Variants in P4HA1 observed in about 807,000 individuals in gnomAD.
The protein encoded by P4HA1 is prolyl 4-hydroxylase subunit alpha 1.
P4HA1 carries 24 observed loss-of-function variants against 72.8 expected under a neutral mutation model. The observed-to-expected ratio is 0.33, with a 90% CI of 0.24 to 0.46. The LOEUF (loss-of-function observed/expected upper bound fraction) is 0.46, where lower values mean the gene tolerates loss of function less well. P4HA1 is among the 20% of genes least tolerant of loss of function. The probability of loss-of-function intolerance (pLI) is 1.00; values close to 1 mark genes in which losing one functional copy is unlikely to be tolerated. For synonymous variants in P4HA1, 201 were observed against 218.8 expected (o/e 0.92, Z 0.72); for missense variants, 446 against 640.6 (o/e 0.70, Z 3.28).
chr10:73,082,250 G>C (rs1472602831), intron 1 of P4HA1, among the ~76,000 whole-genome samples: 1 of 152,138 alleles, frequency 6.6e-6, no homozygotes, highest in East Asian at 1.9e-4. Context: ...GGTTTATCAG[G>C]ACACAGCCCC....
chr10:73,026,838 C>A (rs911647003), intron 10 of P4HA1, among the ~76,000 whole-genome samples: 1 of 152,148 alleles, frequency 6.6e-6, no homozygotes, highest in Non-Finnish European at 1.5e-5. Flanking sequence ...CCAACAGGCA[C>A]ATGAAAAAAT....
At chr10:73,030,466 A>T in intron 9 of P4HA1, 96 bp from the exon 10 acceptor site, 1 of 496,226 alleles carries the variant, frequency 2.0e-6, no homozygotes, top group Non-Finnish European at 3.4e-6. Flanking sequence ...AATATATAGG[A>T]CAATAAACCT....
At chr10:73,024,893 G>A (rs1840228542) in intron 10 of P4HA1, among the ~76,000 whole-genome samples, 1 of 152,188 alleles carries the variant, frequency 6.6e-6, no homozygotes. Context: ...AAATCTAGAA[G>A]AAATGGATAA....
chr10:73,042,051 G>A (rs1374216667), intron 9 of P4HA1, among the ~76,000 whole-genome samples: 1 of 151,916 alleles, frequency 6.6e-6, no homozygotes, highest in Non-Finnish European at 1.5e-5. Flanking sequence ...GTTTTAACAT[G>A]TTGCTCAGGC....
chr10:73,061,685 G>A (rs1157220253), intron 5 of P4HA1, among the ~76,000 whole-genome samples: 2 of 152,104 alleles, frequency 1.3e-5, no homozygotes, highest in Non-Finnish European at 2.9e-5. Context: ...AGGAACACTT[G>A]AGCCCAAGAG....
chr10:73,026,667 G>T (rs553354813), intron 10 of P4HA1, among the ~76,000 whole-genome samples: 1 of 152,206 alleles, frequency 6.6e-6, no homozygotes, highest in Non-Finnish European at 1.5e-5. Context: ...GAGTGAACAG[G>T]CAACCTACAG....
rs558375081 is a variant in P4HA1 at position 73,013,053 on chromosome 10, C to T, written c.1368+1171G>A. Among the ~76,000 whole-genome samples, 308 of 152,306 alleles carry T rather than the reference C, an allele frequency of 2.0e-3. 9 individuals carry two copies. Among genetic ancestry groups the T allele is most frequent in the Admixed American group, 0.02 (303 of 15,306 alleles). ...TCAAGTGATCTGCCCGCCTCGGCCTCTCAAAGTGTTGGGATTACAGGCGTG... is the reference window on the plus strand; with the variant it reads ...TCAAGTGATCTGCCCGCCTCGGCCTTTCAAAGTGTTGGGATTACAGGCGTG... On this transcript the variant is annotated intron_variant, in intron 12 of 14. Transcript: ENST00000394890.
chr10:73,064,292 T>C (rs1190628315), intron 5 of P4HA1, among the ~76,000 whole-genome samples: 3 of 151,958 alleles, frequency 2.0e-5, no homozygotes, highest in Non-Finnish European at 2.9e-5. Flanking sequence ...CTGGATAACA[T>C]GGCAAAACCC....
At chr10:73,071,951 A>T (rs188571382) in intron 4 of P4HA1, 78 bp downstream of exon 4, 1 of 1,200,722 alleles carries the variant, frequency 8.3e-7, no homozygotes, top group African/African-American at 1.5e-5. Context: ...GTTTCCTGGG[A>T]ACTGAATTTA....
chr10:73,070,281 C>A (rs557433273), intron 4 of P4HA1, among the ~76,000 whole-genome samples: 1 of 150,932 alleles, frequency 6.6e-6, no homozygotes, highest in Non-Finnish European at 1.5e-5. Context: ...CTCAGCCTCC[C>A]GACTAGCTGG....
intron 4 of P4HA1, chr10:73,071,185 C>G (rs895785048): frequency 2.1e-5 from 3 of 142,464 alleles, no homozygotes; most frequent in Admixed American, 6.8e-5. Context: ...CAGTGAGACC[C>G]TGTCTCCAAA....
At chr10:73,037,098 T>A (rs1840591631) in intron 9 of P4HA1, among the ~76,000 whole-genome samples, 1 of 152,128 alleles carries the variant, frequency 6.6e-6, no homozygotes, top group Non-Finnish European at 1.5e-5. Flanking sequence ...AATTATACAG[T>A]GTTTTTCCCC....
chr10:73,018,248 C>T (rs931873867), intron 10 of P4HA1, among the ~76,000 whole-genome samples: 2 of 152,154 alleles, frequency 1.3e-5, no homozygotes, highest in African/African-American at 4.8e-5. Context: ...AGAACAGTCA[C>T]GTCCCCTGAG....
chr10:73,080,561 A>G (rs1841799238), intron 1 of P4HA1, among the ~76,000 whole-genome samples: 1 of 152,250 alleles, frequency 6.6e-6, no homozygotes, highest in African/African-American at 2.4e-5. Flanking sequence ...TGTCTCATTC[A>G]TCCACATTCA....
At chr10:73,063,328 A>C (rs1841352373) in intron 5 of P4HA1, among the ~76,000 whole-genome samples, 1 of 152,138 alleles carries the variant, frequency 6.6e-6, no homozygotes, top group Admixed American at 6.6e-5. Context: ...TCACATGGTG[A>C]AGGCTGAAGG....
intron 9 of P4HA1, among the ~76,000 whole-genome samples, chr10:73,037,653 T>G (rs1187553143): frequency 6.9e-6 from 1 of 143,970 alleles, no homozygotes; most frequent in Admixed American, 7.0e-5. Flanking sequence ...TTTCCAATAA[T>G]TCTTCTCTAG....
chr10:73,068,950 T>C lies in P4HA1; in HGVS notation c.359A>G (p.Tyr120Cys). 1 of 1,612,740 alleles carries C rather than the reference T, an allele frequency of 6.2e-7. No individual in the cohort carries two copies. Among genetic ancestry groups the C allele is most frequent in the Non-Finnish European group, 8.5e-7 (1 of 1,178,928 alleles). The change falls in exon 5 of 15, where the codon TAC becomes TGC. Residue 120 changes from tyrosine (Y) to cysteine (C), a missense_variant. By Grantham distance (194) the Tyr-to-Cys change is radical. Coordinates refer to ENST00000394890, the MANE Select transcript of P4HA1 (RefSeq NM_001017962.3). ...AACCTGATCTTCATCATTAGGAAAG[T>C]ACTGTCTCTGAATGGTTAGGTTAGA... The part of the protein sequence containing the change: ...FISNLTIQRQ[Y>C]FPNDEDQVGA...
At chr10:73,068,682 G>A (rs1232274507) in intron 5 of P4HA1, among the ~76,000 whole-genome samples, 164 bp downstream of exon 5, 1 of 152,148 alleles carries the variant, frequency 6.6e-6, no homozygotes, top group Non-Finnish European at 1.5e-5. Flanking sequence ...TAACTATTAA[G>A]CCCTAAGAGA....
At chr10:73,078,544 T>C (rs1455635365) in intron 1 of P4HA1, among the ~76,000 whole-genome samples, 2 of 149,762 alleles carry the variant, frequency 1.3e-5, no homozygotes, top group Non-Finnish European at 3.0e-5. Flanking sequence ...TGCAAGAACA[T>C]ATGCAGAGGA....
Sources: allele counts gnomAD v4.1 joint callset (sites outside exome capture counted in the v4.1 genomes callset), GRCh38; gene constraint gnomAD v4.1.1; transcripts MANE v1.5; gene names NCBI Gene and HGNC (gene_info 2026-07-23, HGNC 2026-07-21).